CTNNA3: variants seen among roughly 807,000 people sequenced by gnomAD.
The protein encoded by CTNNA3 is catenin alpha 3.
CTNNA3 carries 76 observed loss-of-function variants against 95.7 expected under a neutral mutation model. That is an observed-to-expected ratio of 0.79 (90% CI 0.66 to 0.96). The LOEUF (loss-of-function observed/expected upper bound fraction) is 0.96. Ranked by LOEUF, CTNNA3 falls within the 40% of genes least tolerant of loss-of-function variation. The probability of loss-of-function intolerance (pLI) is 0.00; values close to 1 mark genes in which losing one functional copy is unlikely to be tolerated. For missense variants in CTNNA3, 1,191 were observed against 1,089.8 expected (o/e 1.09, Z -1.31); for synonymous variants, 431 against 374.4 (o/e 1.15, Z -1.74).
At chr10:66,525,184 CAG>C (rs1841209766) in intron 10 of CTNNA3, among the ~76,000 whole-genome samples, 1 of 149,596 alleles carries the variant, frequency 6.7e-6, no homozygotes, top group African/African-American at 2.5e-5. Context: ...ATAACATCAA[CAG>C]AGAGAAAATG....
chr10:66,105,263 A>G (rs1244404038), intron 13 of CTNNA3, among the ~76,000 whole-genome samples: 2 of 152,220 alleles, frequency 1.3e-5, no homozygotes, highest in Non-Finnish European at 2.9e-5. Flanking sequence ...TGTAATTTCT[A>G]TACAATCATA....
chr10:66,140,709 C>T (rs1030152425), intron 13 of CTNNA3, among the ~76,000 whole-genome samples: 2 of 152,188 alleles, frequency 1.3e-5, no homozygotes, highest in African/African-American at 4.8e-5. Context: ...GGAAATGCAG[C>T]CAACTCATTT....
intron 7 of CTNNA3, among the ~76,000 whole-genome samples, chr10:67,016,999 T>G (rs7897274): frequency 6.6e-6 from 1 of 152,044 alleles, no homozygotes; most frequent in African/African-American, 2.4e-5. Context: ...CTTCTATATA[T>G]GAGAAGAACC....
At chr10:66,115,638 T>TAGAG (rs1239791505) in intron 13 of CTNNA3, among the ~76,000 whole-genome samples, 12 of 149,600 alleles carry the variant, frequency 8.0e-5, no homozygotes, top group African/African-American at 3.0e-4. Flanking sequence ...GAGATAGAGA[T>TAGAG]ATAAACTGAC....
At chr10:65,931,472 C>T (rs916494138) in intron 17 of CTNNA3, among the ~76,000 whole-genome samples, 18 of 152,144 alleles carry the variant, frequency 1.2e-4, no homozygotes, top group Admixed American at 6.5e-4. Context: ...CAAGACAGTA[C>T]GGTGCTTTGG....
chr10:66,490,789 C>A (rs772835322), intron 11 of CTNNA3, among the ~76,000 whole-genome samples: 3 of 152,162 alleles, frequency 2.0e-5, no homozygotes, highest in Non-Finnish European at 2.9e-5. Flanking sequence ...GGCCTCTATG[C>A]ATGAGGAAGC....
intron 9 of CTNNA3, among the ~76,000 whole-genome samples, chr10:66,660,736 CAG>C (rs1846233951): frequency 6.6e-6 from 1 of 152,150 alleles, no homozygotes; most frequent in Non-Finnish European, 1.5e-5. Context: ...TGCTCAAACT[CAG>C]AGAAGTCTTC....
intron 7 of CTNNA3, among the ~76,000 whole-genome samples, chr10:66,825,287 T>A (rs942112468): frequency 2.7e-5 from 4 of 148,600 alleles, no homozygotes; most frequent in Non-Finnish European, 4.5e-5. Context: ...ATATATATTT[T>A]TTTTTTGAGA....
At chr10:67,133,489 C>T (rs1860141567) in intron 7 of CTNNA3, among the ~76,000 whole-genome samples, 1 of 150,840 alleles carries the variant, frequency 6.6e-6, no homozygotes, top group Admixed American at 6.7e-5. Flanking sequence ...TTTACAAAGT[C>T]GTGGTGAAGA....
chr10:66,995,026 C>T (rs944653320), intron 7 of CTNNA3, among the ~76,000 whole-genome samples: 1 of 152,140 alleles, frequency 6.6e-6, no homozygotes, highest in Non-Finnish European at 1.5e-5. Flanking sequence ...CTTCTCATTC[C>T]AAGTATATGC....
intron 5 of CTNNA3, among the ~76,000 whole-genome samples, chr10:67,355,711 C>G (rs532964454): frequency 1.3e-5 from 2 of 151,884 alleles, no homozygotes; most frequent in African/African-American, 4.8e-5. Flanking sequence ...ATATAGAATG[C>G]CTTGAGATAT....
At chr10:66,846,478 C>CAA (rs1261023769) in intron 7 of CTNNA3, among the ~76,000 whole-genome samples, 2 of 151,742 alleles carry the variant, frequency 1.3e-5, no homozygotes, top group African/African-American at 4.8e-5. Flanking sequence ...CACACACACA[C>CAA]ACACACACAC....
chr10:66,653,606 A>T (rs1845982018), intron 9 of CTNNA3, among the ~76,000 whole-genome samples: 1 of 152,110 alleles, frequency 6.6e-6, no homozygotes, highest in East Asian at 1.9e-4. Context: ...AAAAAATCCT[A>T]AAATTCATAT....
intron 1 of CTNNA3, among the ~76,000 whole-genome samples, chr10:67,726,123 A>G (rs1841211844): frequency 1.7e-5 from 2 of 115,064 alleles, no homozygotes; most frequent in Non-Finnish European, 3.2e-5. Context: ...ATATTATTAT[A>G]TTAGATAATA....
chr10:66,738,458 A>G (rs1002335300), intron 9 of CTNNA3, among the ~76,000 whole-genome samples: 29 of 152,142 alleles, frequency 1.9e-4, no homozygotes, highest in African/African-American at 6.8e-4. Flanking sequence ...TATCATCTTT[A>G]ATCTCTTCTG....
At chr10:66,820,550 G>C (rs1842271908) in intron 7 of CTNNA3, among the ~76,000 whole-genome samples, 1 of 151,412 alleles carries the variant, frequency 6.6e-6, no homozygotes, top group African/African-American at 2.4e-5. Context: ...ATATGTCATG[G>C]ACATTATGAG....
At chr10:66,229,506 T>C (rs2089479381) in intron 13 of CTNNA3, among the ~76,000 whole-genome samples, 1 of 152,154 alleles carries the variant, frequency 6.6e-6, no homozygotes, top group Admixed American at 6.5e-5. Flanking sequence ...TATTCTCGTC[T>C]CACAGGTTTT....
chr10:66,657,555 C>T (rs1453486683), intron 9 of CTNNA3, among the ~76,000 whole-genome samples: 1 of 152,122 alleles, frequency 6.6e-6, no homozygotes, highest in Non-Finnish European at 1.5e-5. Flanking sequence ...CACTTCTCTC[C>T]TTGATTTGTC....
intron 5 of CTNNA3, among the ~76,000 whole-genome samples, chr10:67,243,545 A>G (rs1026009176): frequency 6.6e-6 from 1 of 152,200 alleles, no homozygotes; most frequent in Non-Finnish European, 1.5e-5. Flanking sequence ...AAAATTTTCT[A>G]ATGATGGTTA....
Sources: gnomAD v4.1 joint callset for allele counts (sites outside exome capture counted in the v4.1 genomes callset) on GRCh38, gnomAD v4.1.1 for gene constraint, MANE v1.5 for transcripts, NCBI Gene and HGNC (gene_info 2026-07-23, HGNC 2026-07-21) for gene names.